Variants in RNF115 observed in about 807,000 individuals in gnomAD.
RNF115 encodes ring finger protein 115.
Under a neutral mutation model 39.2 loss-of-function variants are expected in RNF115, and 31 were observed. The observed-to-expected ratio is 0.79, with a 90% CI of 0.59 to 1.07. The LOEUF is 1.07. Among genes scored for constraint, RNF115 ranks in the 50% least tolerant of loss-of-function variants. RNF115 has a pLI of 0.00. For synonymous variants in RNF115, 124 were observed against 131.0 expected (o/e 0.95, Z 0.37); for missense variants, 384 against 381.7 (o/e 1.01, Z -0.05).
rs587665510 is a variant in RNF115 at position 145,813,562 on chromosome 1, C to A, written c.102+10210G>T. Among the ~76,000 whole-genome samples the A allele has an allele frequency of 2.6e-5, 4 of 152,236 alleles. No homozygotes were observed. In the South Asian group the frequency reaches 8.3e-4, roughly 32 times the overall value. On this transcript the variant is annotated intron_variant, in intron 1 of 8. Transcript: ENST00000582693. The stretch of plus-strand genomic sequence containing the variant: ...CAGTATGTAACTTGAGAGGGGTAAT[C>A]CAATTCCTCTGGTCTCAGTAACTCC...
intron 3 of RNF115, among the ~76,000 whole-genome samples, chr1:145,780,094 G>A (rs750957903): frequency 1.1e-4 from 16 of 151,856 alleles, no homozygotes; most frequent in African/African-American, 1.2e-4. Context: ...CAGGTTTGGC[G>A]GCGGGGGCCT....
chr1:145,813,483 TA>T (rs1649825405), intron 1 of RNF115, among the ~76,000 whole-genome samples: 1 of 152,080 alleles, frequency 6.6e-6, no homozygotes. Context: ...CTATCTCAAT[TA>T]ATTCCCAACT....
At chr1:145,747,426 T>C (rs1307404461) in intron 8 of RNF115, among the ~76,000 whole-genome samples, 1 of 152,048 alleles carries the variant, frequency 6.6e-6, no homozygotes, top group Non-Finnish European at 1.5e-5. Flanking sequence ...CCGAGGCAGG[T>C]GGATCACCTG....
At chr1:145,806,970 G>A (rs1322601574) in intron 1 of RNF115, among the ~76,000 whole-genome samples, 3 of 152,138 alleles carry the variant, frequency 2.0e-5, no homozygotes, top group Non-Finnish European at 4.4e-5. Context: ...GCGCCCAGCC[G>A]TAAACCTCTT....
intron 3 of RNF115, among the ~76,000 whole-genome samples, chr1:145,779,133 T>C (rs962843268): frequency 3.3e-5 from 5 of 152,004 alleles, no homozygotes. Context: ...AGGATAATAG[T>C]TTAATAAATA....
At chr1:145,776,092 G>A (rs1385724995) in intron 3 of RNF115, among the ~76,000 whole-genome samples, 3 of 150,796 alleles carry the variant, frequency 2.0e-5, no homozygotes, top group Non-Finnish European at 3.0e-5. Context: ...ACAGGGTAAG[G>A]GGGGGGCTAC....
Position 145,824,019 on chromosome 1 carries a change from G to A in RNF115, c.-146C>T, listed in dbSNP as rs1396093721. The A allele has an allele frequency of 1.8e-6, 1 of 561,192 alleles. No homozygotes were observed. The highest frequency in any genetic ancestry group is 2.9e-6 in the Non-Finnish European group (1 of 344,194). 34.8% of individuals were successfully genotyped at this position (561,192 alleles called of 1,614,324 possible). ...CCGCGTCGGTCACGTGAGTTGGCCA[G>A]GCCCAGAAACGCGGCGGCGCCAACA... is the stretch of plus-strand genomic sequence containing the variant. On this transcript the variant is annotated 5_prime_UTR_variant, in exon 1 of 9. Coordinates refer to ENST00000582693, the MANE Select transcript of RNF115 (RefSeq NM_014455.4).
At chr1:145,800,206 T>C (rs1345082482) in intron 1 of RNF115, among the ~76,000 whole-genome samples, 10 of 152,206 alleles carry the variant, frequency 6.6e-5, no homozygotes, top group Non-Finnish European at 1.5e-4. Context: ...CAGAAGTAAT[T>C]TGTTACATTA....
At chr1:145,781,851 C>T (rs1341081652) in intron 3 of RNF115, among the ~76,000 whole-genome samples, 1 of 151,426 alleles carries the variant, frequency 6.6e-6, no homozygotes, top group African/African-American at 2.4e-5. Context: ...TTCTACTATA[C>T]TTGTTACATA....
At chr1:145,749,799 C>G (rs1374080601) in intron 7 of RNF115, among the ~76,000 whole-genome samples, 1 of 152,162 alleles carries the variant, frequency 6.6e-6, no homozygotes, top group Non-Finnish European at 1.5e-5. Context: ...TTAGTTCATA[C>G]TTTTCCTTAA....
intron 4 of RNF115, among the ~76,000 whole-genome samples, chr1:145,761,941 A>G (rs1436233703): frequency 2.6e-5 from 4 of 152,218 alleles, no homozygotes; most frequent in Non-Finnish European, 5.9e-5. Flanking sequence ...TTGCATCAGC[A>G]TGACCTGGAT....
intron 4 of RNF115, among the ~76,000 whole-genome samples, chr1:145,767,012 G>A (rs1647343588): frequency 7.0e-6 from 1 of 142,742 alleles, no homozygotes; most frequent in Non-Finnish European, 1.5e-5. Context: ...TCCCAGTAGG[G>A]GTGGCCGGGC....
chr1:145,751,558 T>A, intron 5 of RNF115, 48 bp from the exon 6 acceptor site: 1 of 1,391,504 alleles, frequency 7.2e-7, no homozygotes, highest in Non-Finnish European at 1.0e-6. Flanking sequence ...GACCAGGCTC[T>A]GCCTTACACC....
chr1:145,761,810 C>A (rs1658518923), intron 4 of RNF115, among the ~76,000 whole-genome samples: 1 of 152,176 alleles, frequency 6.6e-6, no homozygotes. Context: ...TGACAGCTTG[C>A]ACCAATGCGC....
intron 4 of RNF115, among the ~76,000 whole-genome samples, chr1:145,768,343 TC>T (rs782479170): frequency 3.3e-5 from 5 of 152,216 alleles, no homozygotes; most frequent in Non-Finnish European, 7.3e-5. Flanking sequence ...TGAAATGAGG[TC>T]TTGCTCTGTC....
intron 4 of RNF115, among the ~76,000 whole-genome samples, chr1:145,771,179 A>G (rs1331444579): frequency 1.3e-5 from 2 of 152,232 alleles, no homozygotes; most frequent in African/African-American, 4.8e-5. Context: ...TTAAGAGATG[A>G]ATCTCCTGTG....
intron 4 of RNF115, among the ~76,000 whole-genome samples, chr1:145,763,149 A>G (rs1553714087): frequency 6.6e-6 from 1 of 152,236 alleles, no homozygotes; most frequent in Non-Finnish European, 1.5e-5. Flanking sequence ...GTGAGTTACC[A>G]GGAAAGCAAA....
intron 4 of RNF115, among the ~76,000 whole-genome samples, chr1:145,764,617 TG>T (rs1658680219): frequency 6.8e-6 from 1 of 147,254 alleles, no homozygotes; most frequent in Admixed American, 6.7e-5. Context: ...CCGCCCCGTC[TG>T]GGAAGTGAGG....
chr1:145,794,924 G>A (rs1170026376), intron 1 of RNF115, among the ~76,000 whole-genome samples: 2 of 150,686 alleles, frequency 1.3e-5, no homozygotes, highest in East Asian at 3.9e-4. Flanking sequence ...GGCTGAAGCA[G>A]GAGAATGGTG....
Sources: gnomAD v4.1 joint callset for allele counts (sites outside exome capture counted in the v4.1 genomes callset) on GRCh38, gnomAD v4.1.1 for gene constraint, MANE v1.5 for transcripts, NCBI Gene and HGNC (gene_info 2026-07-23, HGNC 2026-07-21) for gene names.